Variants in UNC13C observed in about 807,000 individuals in gnomAD.
UNC13C encodes protein unc-13 homolog C.
A neutral mutation model predicts 245.4 loss-of-function variants in UNC13C; 174 were observed. The observed-to-expected ratio is 0.71, with a 90% CI of 0.63 to 0.80. The LOEUF (loss-of-function observed/expected upper bound fraction) is 0.80. Ranked by LOEUF, UNC13C falls within the 30% of genes least tolerant of loss-of-function variation. UNC13C has a pLI of 0.00. For synonymous variants in UNC13C, 992 were observed against 895.1 expected (o/e 1.11, Z -1.93); for missense variants, 2,829 against 2,602.9 (o/e 1.09, Z -1.89).
At chr15:54,140,099 C>G (rs1474093045) in intron 2 of UNC13C, among the ~76,000 whole-genome samples, 4 of 151,904 alleles carry the variant, frequency 2.6e-5, no homozygotes, top group Non-Finnish European at 5.9e-5. Flanking sequence ...TTTATAGATT[C>G]ATCTCATAGT....
At chr15:53,879,953 T>TTGTGTGTG in the UNC13C span, among the ~76,000 whole-genome samples, 237 of 147,704 alleles carry the variant, frequency 1.6e-3, 2 homozygotes, top group Admixed American at 5.4e-3. Context: ...GTGTGTGTGT[T>TTGTGTGTG]TGTGTGTGTG....
At chr15:54,049,347 A>G (rs1016577624) in intron 2 of UNC13C, 64 of 508,926 alleles carry the variant, frequency 1.3e-4, no homozygotes, top group Middle Eastern at 1.2e-3. Context: ...TAACATCTAC[A>G]AGAAGAAAAT....
intron 2 of UNC13C, among the ~76,000 whole-genome samples, chr15:54,017,576 T>C (rs1895718013): frequency 1.3e-5 from 2 of 152,142 alleles, no homozygotes; most frequent in Admixed American, 1.3e-4. Context: ...GTTAATGTAG[T>C]TGCTTGAAAT....
chr15:54,209,326 A>G (rs2034808032), intron 4 of UNC13C, among the ~76,000 whole-genome samples: 1 of 152,158 alleles, frequency 6.6e-6, no homozygotes, highest in Non-Finnish European at 1.5e-5. Context: ...TACTCCAGTT[A>G]TAAACTAACC....
chr15:53,841,700 G>A, the UNC13C span, among the ~76,000 whole-genome samples: 1 of 152,078 alleles, frequency 6.6e-6, no homozygotes, highest in Non-Finnish European at 1.5e-5. Flanking sequence ...TAGATCTGTA[G>A]TTGTATTTTT....
At chr15:54,061,123 T>A (rs1897810445) in intron 2 of UNC13C, among the ~76,000 whole-genome samples, 1 of 150,984 alleles carries the variant, frequency 6.6e-6, no homozygotes. Flanking sequence ...ATAATAATAA[T>A]AAAAAAAAAA....
chr15:54,347,809 C>T (rs1201252060), intron 17 of UNC13C, among the ~76,000 whole-genome samples: 1 of 152,072 alleles, frequency 6.6e-6, no homozygotes, highest in African/African-American at 2.4e-5. Flanking sequence ...CTCTTTGTTT[C>T]CCTCCCAAGT....
chr15:54,423,141 A>G (rs2040686754), intron 19 of UNC13C, among the ~76,000 whole-genome samples: 1 of 151,760 alleles, frequency 6.6e-6, no homozygotes, highest in Non-Finnish European at 1.5e-5. Context: ...GACATATTGC[A>G]TATAATTTAT....
chr15:54,526,782 A>G (rs1468210060), intron 25 of UNC13C, among the ~76,000 whole-genome samples: 1 of 150,344 alleles, frequency 6.7e-6, no homozygotes, highest in African/African-American at 2.4e-5. Flanking sequence ...CTCTTCAGGT[A>G]GGGACTATCT....
At chr15:54,420,719 C>T (rs2040623661) in intron 19 of UNC13C, among the ~76,000 whole-genome samples, 1 of 151,900 alleles carries the variant, frequency 6.6e-6, no homozygotes, top group African/African-American at 2.4e-5. Context: ...TTTCTCTCAG[C>T]CCTTCCCATA....
At chr15:53,911,169 G>A in the UNC13C span, 1 of 152,194 alleles carries the variant, frequency 6.6e-6, no homozygotes, top group Non-Finnish European at 1.5e-5. Flanking sequence ...GACCTCCCAG[G>A]ACAAGCTGAG....
chr15:53,940,974 T>C, the UNC13C span, among the ~76,000 whole-genome samples: 1 of 152,150 alleles, frequency 6.6e-6, no homozygotes, highest in African/African-American at 2.4e-5. Flanking sequence ...AAAATTCATA[T>C]GGAATAAGAG....
At position 54,109,269 on chromosome 15, in the gene UNC13C, T is replaced by C. The variant is rs78417401; in HGVS notation, c.2984-33749T>C. On this transcript the variant is annotated intron_variant, in intron 2 of 32. Coordinates refer to ENST00000260323, the MANE Select transcript of UNC13C (RefSeq NM_001080534.3). ...TCCTTTCTTTCCTTTCCTTTCCCTC[T>C]CCTCCCCTCCCCTCCCCTCCCCTCC... 9.2e-3 allele frequency among the ~76,000 whole-genome samples: 750 copies of C among 81,946 alleles called. 2 individuals are homozygous for C. The highest frequency in any genetic ancestry group is 0.014 in the African/African-American group (282 of 19,830). 53.8% of individuals were successfully genotyped at this position (81,946 alleles called of 152,430 possible).
chr15:54,049,547 C>T (rs561455876), intron 2 of UNC13C: 71 of 298,282 alleles, frequency 2.4e-4, no homozygotes, highest in Non-Finnish European at 4.1e-4. Flanking sequence ...AAGAATGTTA[C>T]GAACCTGTAT....
intron 2 of UNC13C, among the ~76,000 whole-genome samples, chr15:54,076,142 T>C (rs998287703): frequency 3.4e-5 from 5 of 148,570 alleles, no homozygotes; most frequent in African/African-American, 9.9e-5. Context: ...AGTTTTAGGG[T>C]ACATGTGCAC....
intron 4 of UNC13C, among the ~76,000 whole-genome samples, chr15:54,156,302 C>T (rs11071051): frequency 0.93 from 140,942 of 152,234 alleles, 66,125 homozygotes; most frequent in Non-Finnish European, 1. Flanking sequence ...ATCACTGTAA[C>T]GCCTACTCAT....
Position 54,205,382 on chromosome 15 carries a change from A to G in UNC13C, c.3072-29648A>G, listed in dbSNP as rs144856854. On this transcript the variant is annotated intron_variant, in intron 4 of 32. Transcript: ENST00000260323. ...AAAGACAATTTGTCTCAGCTTATGT[A>G]TTTCTATAGGCGACAAGCTCATTAA... 4.3e-3 allele frequency among the ~76,000 whole-genome samples: 658 copies of G among 152,006 alleles called. 3 individuals carry two copies. The highest frequency in any genetic ancestry group is 0.014 in the African/African-American group (574 of 41,540).
chr15:53,918,540 T>C, the UNC13C span, among the ~76,000 whole-genome samples: 1 of 152,234 alleles, frequency 6.6e-6, no homozygotes, highest in Non-Finnish European at 1.5e-5. Flanking sequence ...TGTCTCACTA[T>C]TGAGTCATTT....
At chr15:54,619,636 T>C (rs1900669310) in intron 30 of UNC13C, among the ~76,000 whole-genome samples, 1 of 152,204 alleles carries the variant, frequency 6.6e-6, no homozygotes, top group African/African-American at 2.4e-5. Flanking sequence ...TTCATGCAAT[T>C]ACACACATTT....
Sources: allele counts gnomAD v4.1 joint callset (sites outside exome capture counted in the v4.1 genomes callset), GRCh38; gene constraint gnomAD v4.1.1; transcripts MANE v1.5; gene names NCBI Gene and HGNC (gene_info 2026-07-23, HGNC 2026-07-21).